FBH1: variants seen among roughly 807,000 people sequenced by gnomAD.
FBH1 encodes DNA 3'-5' helicase 1.
In FBH1, 43 loss-of-function variants were observed where a neutral mutation model predicts 115.5. The ratio of observed to expected loss-of-function variants is 0.37; its 90% confidence interval spans 0.29 to 0.48. The LOEUF (loss-of-function observed/expected upper bound fraction) is 0.48. FBH1 is among the 20% of genes least tolerant of loss of function. The pLI is 0.99. For synonymous variants in FBH1, 524 were observed against 507.8 expected (o/e 1.03, Z -0.43); for missense variants, 1,001 against 1,337.3 (o/e 0.75, Z 3.92).
At chr10:5,902,519 T>G (rs1210625612) in intron 1 of FBH1, among the ~76,000 whole-genome samples, 2 of 152,070 alleles carry the variant, frequency 1.3e-5, no homozygotes, top group Non-Finnish European at 2.9e-5. Context: ...CAGATTGGAG[T>G]GCAGTGGTGC....
chr10:5,937,133 G>A lies in FBH1; in HGVS notation c.2985G>A (p.Gly995=), dbSNP rs746285336. The change falls in exon 21 of 21, where the codon GGG becomes GGA. Residue 995 remains glycine (G), a synonymous_variant. Coordinates refer to ENST00000362091, the MANE Select transcript of FBH1 (RefSeq NM_178150.3). ...ITYSNRKENK[G]GYLCHSCAEQ... ...AGAGCAACAGGAAGGAAAACAAGGG[G>A]GGCTACCTCTGCCACTCCTGTGCGG... is the stretch of plus-strand genomic sequence containing the variant. The A allele has an allele frequency of 2.5e-6, 4 of 1,609,194 alleles. No individual in the cohort carries two copies. Among genetic ancestry groups the A allele is most frequent in the South Asian group, 2.2e-5 (2 of 90,244 alleles).
chr10:5,931,453 C>G lies in FBH1; in HGVS notation c.2829+3912C>G, dbSNP rs1832966859. ...GCCATCATAAATTGTGTTCCATAAT[C>G]TAATTCACATTTAACACGAAAGGAA... On this transcript the variant is annotated intron_variant, in intron 19 of 20. Transcript: ENST00000362091. This position sits in a 1 kb window ranked among gnomAD's most constrained non-coding sequence, Gnocchi z 4.3. 6.6e-6 allele frequency among the ~76,000 whole-genome samples: 1 copy of G among 152,190 alleles called. No homozygotes were observed. The highest frequency in any genetic ancestry group is 2.4e-5 in the African/African-American group (1 of 41,438).
rs918457434 is a variant in FBH1, at chr10:5,910,890, A to C, written c.1021-48A>C. The C allele has an allele frequency of 6.5e-7, 1 of 1,540,482 alleles. No homozygotes were observed. Among genetic ancestry groups the C allele is most frequent in the African/African-American group, 1.4e-5 (1 of 73,648 alleles). ...CTCCTTCCTGCTGTGATTCGTATTA[A>C]CCATGGCCTGTGGGCTGTCCCTCCC... On this transcript the variant is annotated intron_variant, in intron 5 of 20. Coordinates refer to ENST00000362091, the MANE Select transcript of FBH1 (RefSeq NM_178150.3). The surrounding 1 kb of genome is among the most constrained non-coding windows in gnomAD (Gnocchi z 4.8).
chr10:5,925,609 C>T lies in FBH1; in HGVS notation c.2722+117C>T, dbSNP rs947969127. The T allele has an allele frequency of 4.2e-6, 6 of 1,432,776 alleles. No homozygotes were observed. Among genetic ancestry groups the T allele is most frequent in the Non-Finnish European group, 5.7e-6 (6 of 1,060,602 alleles). The allele number at this position is 1,432,776 out of a possible 1,614,324, so 88.8% of individuals were successfully genotyped here. A position where few individuals can be genotyped will look rare whatever the true frequency, so the allele number is the denominator to read the frequency against. On this transcript the variant is annotated intron_variant, in intron 18 of 20. Coordinates refer to ENST00000362091, the MANE Select transcript of FBH1 (RefSeq NM_178150.3). The surrounding 1 kb of genome is among the most constrained non-coding windows in gnomAD (Gnocchi z 4.6). ...GGTGTGGCCTCCTGGTAGGGCACTT[C>T]TGGAAAAACTAAACCACAAAACACC...
Position 5,921,113 on chromosome 10 carries a change from A to G in FBH1, c.2101-145A>G. 1 of 646,272 alleles carries G rather than the reference A, an allele frequency of 1.5e-6. No individual in the cohort carries two copies. Among genetic ancestry groups the G allele is most frequent in the South Asian group, 1.9e-5 (1 of 51,472 alleles). 40.0% of individuals were successfully genotyped at this position (646,272 alleles called of 1,614,324 possible). ...CTGCTGAGTTGTGAAGGACCTTGAA[A>G]GTGAGCCTGTGAAGTTCGCTTTCCA... On this transcript the variant is annotated intron_variant, in intron 13 of 20. Coordinates refer to ENST00000362091, the MANE Select transcript of FBH1 (RefSeq NM_178150.3). The surrounding 1 kb of genome is among the most constrained non-coding windows in gnomAD (Gnocchi z 6.4).
chr10:5,930,494 G>C (rs759771720), intron 19 of FBH1, among the ~76,000 whole-genome samples: 1 of 152,190 alleles, frequency 6.6e-6, no homozygotes, highest in African/African-American at 2.4e-5. Context: ...TCCAGTAACT[G>C]GAAGTTAGCC....
intron 1 of FBH1, among the ~76,000 whole-genome samples, chr10:5,896,623 C>G (rs1471452022): frequency 6.6e-6 from 1 of 152,078 alleles, no homozygotes; most frequent in Non-Finnish European, 1.5e-5. Context: ...GGTGGGAGCA[C>G]AGATGCCGAA....
At position 5,911,896 on chromosome 10, in the gene FBH1, A is replaced by G. The variant is rs1229887593; in HGVS notation, c.1211+768A>G. On this transcript the variant is annotated intron_variant, in intron 6 of 20. Coordinates refer to ENST00000362091, the MANE Select transcript of FBH1 (RefSeq NM_178150.3). This position sits in a 1 kb window ranked among gnomAD's most constrained non-coding sequence, Gnocchi z 5.4. ...GTGGAGGAGGAACCGCCGTTTCACA[A>G]CTGTGGGGAGAGCAGTTCAGAGAAG... 1.3e-5 allele frequency among the ~76,000 whole-genome samples: 2 copies of G among 152,106 alleles called. No individual in the cohort carries two copies. The highest frequency in any genetic ancestry group is 1.3e-4 in the Admixed American group (2 of 15,264).
Position 5,917,350 on chromosome 10 carries a change from CAG to C in FBH1, c.1789-69_1789-68del. On this transcript the variant is annotated intron_variant, in intron 10 of 20. Transcript: ENST00000362091. This position sits in a 1 kb window ranked among gnomAD's most constrained non-coding sequence, Gnocchi z 5.6. ...GGCTCCACTGCTGTATGGGAGTTGA[CAG>C]TGTGACCGCAGGGTGCTGCCTTTGC... 1.5e-6 allele frequency: 2 copies of C among 1,294,274 alleles called. No individual in the cohort carries two copies. Among genetic ancestry groups the C allele is most frequent in the Non-Finnish European group, 2.2e-6 (2 of 900,066 alleles). The allele number at this position is 1,294,274 out of a possible 1,614,324, so 80.2% of individuals were successfully genotyped here.
Position 5,909,294 on chromosome 10 carries a change from G to C in FBH1, c.1020G>C (p.Gly340=). ...TCCCCGACCTCTACGCTGCTGCCGGGGTAGGTCTGGAGGCTGCGGGAGAAG... is the reference window on the plus strand; with the variant it reads ...TCCCCGACCTCTACGCTGCTGCCGGCGTAGGTCTGGAGGCTGCGGGAGAAG... The part of the protein sequence containing the change: ...QHLPDLYAAA[G]GVNIWALVAA... Residue 340 remains glycine, a splice_region_variant and synonymous_variant, in exon 5 of 21, where the codon GGG becomes GGC. Transcript: ENST00000362091. The surrounding 1 kb of genome is among the most constrained non-coding windows in gnomAD (Gnocchi z 4.4). 4 of 1,608,744 alleles carry C rather than the reference G, an allele frequency of 2.5e-6. No individual in the cohort carries two copies. The highest frequency in any genetic ancestry group is 3.4e-6 in the Non-Finnish European group (4 of 1,179,824).
In FBH1 at chr10:5,936,198, T is replaced by C. The variant is rs1002692828; in HGVS notation, c.2830-258T>C. The C allele has an allele frequency of 2.0e-5, 5 of 251,508 alleles. No homozygotes were observed. The highest frequency in any genetic ancestry group is 3.2e-5 in the Non-Finnish European group (4 of 126,316). 15.6% of individuals were successfully genotyped at this position (251,508 alleles called of 1,614,324 possible). A position where few individuals can be genotyped will look rare whatever the true frequency, so the allele number is the denominator to read the frequency against. Reference sequence around the variant, plus strand: ...TCCAGAAATATTCTGGAAATGTCATTACAGGCAATAGTTTTGCATGTTTAT... The same window carrying C: ...TCCAGAAATATTCTGGAAATGTCATCACAGGCAATAGTTTTGCATGTTTAT... On this transcript the variant is annotated intron_variant, in intron 19 of 20. Coordinates refer to ENST00000362091, the MANE Select transcript of FBH1 (RefSeq NM_178150.3). The surrounding 1 kb of genome is among the most constrained non-coding windows in gnomAD (Gnocchi z 5.6).
chr10:5,901,265 C>T (rs1189895226), intron 1 of FBH1, among the ~76,000 whole-genome samples: 2 of 152,092 alleles, frequency 1.3e-5, no homozygotes, highest in Non-Finnish European at 2.9e-5. Context: ...CTCTGCCTCC[C>T]ACGTTCAAGC....
Position 5,910,894 on chromosome 10 carries a change from T to G in FBH1, c.1021-44T>G. On this transcript the variant is annotated intron_variant, in intron 5 of 20. Transcript: ENST00000362091. The surrounding 1 kb of genome is among the most constrained non-coding windows in gnomAD (Gnocchi z 4.8). Reference sequence around the variant, plus strand: ...TTCCTGCTGTGATTCGTATTAACCATGGCCTGTGGGCTGTCCCTCCCTCCC... The same window carrying G: ...TTCCTGCTGTGATTCGTATTAACCAGGGCCTGTGGGCTGTCCCTCCCTCCC... The G allele has an allele frequency of 6.4e-7, 1 of 1,552,200 alleles. No individual in the cohort carries two copies. Among genetic ancestry groups the G allele is most frequent in the Non-Finnish European group, 8.7e-7 (1 of 1,144,480 alleles).
Position 5,906,515 on chromosome 10 carries a change from T to C in FBH1, c.636T>C (p.Ile212=), listed in dbSNP as rs751365844. The stretch of plus-strand genomic sequence containing the variant: ...CCTGCCAGGAAGCACTGAGCCACAT[T>C]TGCAGCCTGCCTAGTGAGGTCCTGA... ...TLPCQEALSH[I]CSLPSEVLRH... Residue 212 remains isoleucine (I), a synonymous_variant, in exon 3 of 21, where the codon ATT becomes ATC. Coordinates refer to ENST00000362091, the MANE Select transcript of FBH1 (RefSeq NM_178150.3). This position sits in a 1 kb window ranked among gnomAD's most constrained non-coding sequence, Gnocchi z 7.3. The C allele has an allele frequency of 6.2e-7, 1 of 1,614,084 alleles. No homozygotes were observed. Among genetic ancestry groups the C allele is most frequent in the Non-Finnish European group, 8.5e-7 (1 of 1,180,012 alleles).
rs966343561 is a variant in FBH1, at chr10:5,932,047, T to G, written c.2830-4409T>G. 3.9e-5 allele frequency among the ~76,000 whole-genome samples: 6 copies of G among 152,192 alleles called. No individual in the cohort carries two copies. Among genetic ancestry groups the G allele is most frequent in the Non-Finnish European group, 7.4e-5 (5 of 68,022 alleles). ...CTGTAGCCCCAGCTACTTAGGAGGC[T>G]GAGGTGGGAGAATCGCGTGAACCCA... On this transcript the variant is annotated intron_variant, in intron 19 of 20. Transcript: ENST00000362091. This position sits in a 1 kb window ranked among gnomAD's most constrained non-coding sequence, Gnocchi z 5.9.
In FBH1 at chr10:5,923,558, C is replaced by T; in HGVS notation, c.2323-63C>T. 3.6e-6 allele frequency: 5 copies of T among 1,405,244 alleles called. No individual in the cohort carries two copies. Among genetic ancestry groups the T allele is most frequent in the Non-Finnish European group, 5.0e-6 (5 of 1,003,282 alleles). The allele number at this position is 1,405,244 out of a possible 1,614,324, so 87.0% of individuals were successfully genotyped here. ...GCTTTATTTTGTTTTGTTAAAGCAA[C>T]AACAAACAAAACAAAACAAAAAACA... On this transcript the variant is annotated intron_variant, in intron 15 of 20. Coordinates refer to ENST00000362091, the MANE Select transcript of FBH1 (RefSeq NM_178150.3). This position sits in a 1 kb window ranked among gnomAD's most constrained non-coding sequence, Gnocchi z 5.7.
rs957039541 is a variant in FBH1 at position 5,915,756 on chromosome 10, A to G, written c.1565+185A>G. On this transcript the variant is annotated intron_variant, in intron 9 of 20. Transcript: ENST00000362091. This position sits in a 1 kb window ranked among gnomAD's most constrained non-coding sequence, Gnocchi z 5.2. ...ATTTGTACTTTTATCCTGTAGCAAC[A>G]TATTGTTTACATATAATGCCGTCTT... 5.0e-6 allele frequency: 3 copies of G among 602,686 alleles called. No individual in the cohort carries two copies. In the Admixed American group the frequency reaches 9.1e-5, roughly 18 times the overall value. The allele number at this position is 602,686 out of a possible 1,614,324, so 37.3% of individuals were successfully genotyped here.
chr10:5,924,015 G>GA lies in FBH1; in HGVS notation c.2399-295dup, dbSNP rs1832470012. 12 of 559,596 alleles carry GA rather than the reference G, an allele frequency of 2.1e-5. No individual in the cohort carries two copies. In the South Asian group the frequency reaches 2.5e-4, roughly 11 times the overall value. 34.7% of individuals were successfully genotyped at this position (559,596 alleles called of 1,614,324 possible). ...CACGTGGGCCCCAAGTGATAGCGTC[G>GA]AGCATTTCTATAGCGCTTTTCTTTT... On this transcript the variant is annotated intron_variant, in intron 16 of 20. Transcript: ENST00000362091. This position sits in a 1 kb window ranked among gnomAD's most constrained non-coding sequence, Gnocchi z 6.2.
At position 5,919,321 on chromosome 10, in the gene FBH1, A is replaced by G. The variant is rs572481915; in HGVS notation, c.2100+843A>G. Reference sequence around the variant, plus strand: ...GCCAACATGGTAAAACCCTGTCTCTATTAAAAATACAAAAATTAGCCAGGT... The same window carrying G: ...GCCAACATGGTAAAACCCTGTCTCTGTTAAAAATACAAAAATTAGCCAGGT... On this transcript the variant is annotated intron_variant, in intron 13 of 20. Transcript: ENST00000362091. Among the ~76,000 whole-genome samples, 44 of 152,224 alleles carry G rather than the reference A, an allele frequency of 2.9e-4. 2 individuals are homozygous for G. In the South Asian group the frequency reaches 9.1e-3, roughly 32 times the overall value.
Sources: gnomAD v4.1 joint callset for allele counts (sites outside exome capture counted in the v4.1 genomes callset) on GRCh38, gnomAD v4.1.1 for gene constraint, Gnocchi (gnomAD v3.1) non-coding constraint, MANE v1.5 for transcripts, NCBI Gene and HGNC (gene_info 2026-07-23, HGNC 2026-07-21) for gene names.